KCNT1: variants seen among roughly 807,000 people sequenced by gnomAD.
KCNT1 encodes the protein potassium channel subfamily T member 1.
A neutral mutation model predicts 147.8 loss-of-function variants in KCNT1; 78 were observed. The observed-to-expected ratio is 0.53, with a 90% CI of 0.44 to 0.64. KCNT1 has a LOEUF of 0.64. Ranked by LOEUF, KCNT1 falls within the 30% of genes least tolerant of loss-of-function variation. KCNT1 has a pLI of 0.00. For missense variants in KCNT1, 1,419 were observed against 1,750.3 expected, an observed-to-expected ratio of 0.81 and a Z score of 3.38; for synonymous variants, 867 against 748.8, an observed-to-expected ratio of 1.16 and a Z score of -2.58.
chr9:135,764,810 C>T lies in KCNT1; in HGVS notation c.1036-221C>T, dbSNP rs567759890. 1.2e-4 allele frequency among the ~76,000 whole-genome samples: 18 copies of T among 152,306 alleles called. No individual in the cohort carries two copies. In the South Asian group the frequency reaches 3.7e-3, roughly 32 times the overall value. ...GCCGCCCCTCCTCCCTTGGTCCCCA[C>T]ACATCCTGCCAGCCGGGCCTGCGTC... On this transcript the variant is annotated intron_variant, in intron 11 of 30. Coordinates refer to ENST00000371757, the MANE Select transcript of KCNT1 (RefSeq NM_020822.3).
intron 3 of KCNT1, chr9:135,750,728 G>A (rs1007869521): frequency 6.7e-6 from 4 of 594,536 alleles, no homozygotes; most frequent in African/African-American, 5.6e-5. Context: ...TCAGGCACCT[G>A]TAAGGTGGGG....
At chr9:135,765,582 A>G (rs776732307) in intron 12 of KCNT1, 42 bp from the exon 13 acceptor site, 2 of 1,581,436 alleles carry the variant, frequency 1.3e-6, no homozygotes, top group East Asian at 2.3e-5. Context: ...CGGGCGGGGC[A>G]GGGGCTGGCT....
chr9:135,747,017 G>T (rs1363620965), intron 2 of KCNT1, among the ~76,000 whole-genome samples: 1 of 151,998 alleles, frequency 6.6e-6, no homozygotes, highest in Admixed American at 6.6e-5. Flanking sequence ...GATGCCAGAG[G>T]GTAGAGTGGG....
chr9:135,731,989 T>C (rs199646170), intron 2 of KCNT1, among the ~76,000 whole-genome samples: 1 of 18,646 alleles, frequency 5.4e-5, no homozygotes, highest in African/African-American at 2.0e-4. Flanking sequence ...TATATATATA[T>C]ATAGAGAGAG....
Position 135,777,519 on chromosome 9 carries a change from C to G in KCNT1, c.2522+9C>G. 1 of 1,611,414 alleles carries G rather than the reference C, an allele frequency of 6.2e-7. No individual in the cohort carries two copies. Among genetic ancestry groups the G allele is most frequent in the Non-Finnish European group, 8.5e-7 (1 of 1,179,234 alleles). On this transcript the variant is annotated intron_variant, in intron 21 of 30. Transcript: ENST00000371757. Reference sequence around the variant, plus strand: ...CTGCTGCTGGACAACAAGTGAGGCTCCTGGGGCTCAGCCCACCCCGCCCAC... The same window carrying G: ...CTGCTGCTGGACAACAAGTGAGGCTGCTGGGGCTCAGCCCACCCCGCCCAC...
rs1834737127 is a variant in KCNT1 at position 135,795,207 on chromosome 9, G to A, written c.*3046G>A. ...CCAGCACTTTGGGAGGCCAAGGCAGGTGGACTGCTTGAGCCCAGGAGTTGA... is the reference window on the plus strand; with the variant it reads ...CCAGCACTTTGGGAGGCCAAGGCAGATGGACTGCTTGAGCCCAGGAGTTGA... On this transcript the variant is annotated 3_prime_UTR_variant, in exon 31 of 31. Coordinates refer to ENST00000371757, the MANE Select transcript of KCNT1 (RefSeq NM_020822.3). 1.3e-5 allele frequency: 2 copies of A among 152,202 alleles called. No homozygotes were observed. Among genetic ancestry groups the A allele is most frequent in the African/African-American group, 2.4e-5 (1 of 41,502 alleles). The allele number at this position is 152,202 out of a possible 1,614,324, so 9.4% of individuals were successfully genotyped here.
chr9:135,772,704 C>T lies in KCNT1; in HGVS notation c.2009-11C>T, dbSNP rs763793913. ...AGTCGGGCTGTGGCCAAGCACAGGG[C>T]TCTCTTCCAGGGACAGTGGCCATGG... On this transcript the variant is annotated splice_polypyrimidine_tract_variant and intron_variant, in intron 18 of 30. Coordinates refer to ENST00000371757, the MANE Select transcript of KCNT1 (RefSeq NM_020822.3). 3 of 1,369,710 alleles carry T rather than the reference C, an allele frequency of 2.2e-6. No individual in the cohort carries two copies. The highest frequency in any genetic ancestry group is 2.8e-6 in the Non-Finnish European group (3 of 1,056,466). The allele number at this position is 1,369,710 out of a possible 1,614,324, so 84.8% of individuals were successfully genotyped here. A position where few individuals can be genotyped will look rare whatever the true frequency, so the allele number is the denominator to read the frequency against.
intron 2 of KCNT1, among the ~76,000 whole-genome samples, chr9:135,732,721 C>T (rs539813703): frequency 1.3e-5 from 2 of 151,822 alleles, no homozygotes; most frequent in Admixed American, 6.6e-5. Flanking sequence ...TATTGTTGGC[C>T]GGGTTCTTTG....
intron 29 of KCNT1, 69 bp from the exon 30 acceptor site, chr9:135,791,728 C>T: frequency 7.3e-7 from 1 of 1,366,122 alleles, no homozygotes; most frequent in Non-Finnish European, 1.0e-6. Context: ...CCCCACACCT[C>T]TGGGCCCCTG....
At chr9:135,785,409 CCCCACCCA>C (rs761239589) in intron 28 of KCNT1, 79 bp downstream of exon 28, 82 of 1,437,314 alleles carry the variant, frequency 5.7e-5, no homozygotes, top group African/African-American at 1.9e-4. Flanking sequence ...GCCTGCCAGG[CCCCACCCA>C]CCCACCCACC....
chr9:135,731,968 A>ATATATATATATATG (rs1836461120), intron 2 of KCNT1, among the ~76,000 whole-genome samples: 1 of 23,140 alleles, frequency 4.3e-5, no homozygotes, highest in Non-Finnish European at 8.6e-5. Flanking sequence ...GTGTATATAT[A>ATATATATATATATG]TATATATATA....
chr9:135,783,597 G>GA (rs1486174881), intron 24 of KCNT1, among the ~76,000 whole-genome samples: 1 of 152,236 alleles, frequency 6.6e-6, no homozygotes. Context: ...GGACAGCAGG[G>GA]AGCCCGATGC....
intron 2 of KCNT1, among the ~76,000 whole-genome samples, chr9:135,744,373 C>A (rs892723040): frequency 6.6e-6 from 1 of 152,234 alleles, no homozygotes; most frequent in African/African-American, 2.4e-5. Flanking sequence ...AGCACAAGGG[C>A]CTCCTCAGGC....
At position 135,765,673 on chromosome 9, in the gene KCNT1, G is replaced by T. The variant is rs745965148; in HGVS notation, c.1250G>T (p.Arg417Leu). 2.5e-6 allele frequency: 4 copies of T among 1,610,324 alleles called. No homozygotes were observed. Among genetic ancestry groups the T allele is most frequent in the South Asian group, 1.1e-5 (1 of 90,396 alleles). Residue 417 changes from arginine to leucine, a missense_variant, in exon 13 of 31, where the codon CGC becomes CTC. Arg to Leu is a moderately radical substitution (Grantham distance 102). Around this residue, in one of 5 missense-constraint regions of KCNT1, gnomAD observed 401 missense variants for 610.6 expected, o/e 0.66. Coordinates refer to ENST00000371757, the MANE Select transcript of KCNT1 (RefSeq NM_020822.3). ...LCPTEMDVQV[R>L]RVLQIPLWSQ... ...CCCACGGAGATGGATGTCCAGGTGCGCAGAGTCCTGCAGATCCCTCTGTGG... is the reference window on the plus strand; with the variant it reads ...CCCACGGAGATGGATGTCCAGGTGCTCAGAGTCCTGCAGATCCCTCTGTGG...
At chr9:135,771,672 G>T (rs969117341) in intron 18 of KCNT1, among the ~76,000 whole-genome samples, 2 of 152,222 alleles carry the variant, frequency 1.3e-5, no homozygotes, top group Admixed American at 6.5e-5. Context: ...GTGCCTTCAG[G>T]GATCCTCCCG....
At position 135,714,740 on chromosome 9, in the gene KCNT1, T is replaced by C. The variant is rs2385007; in HGVS notation, c.254+20T>C. 0.23 allele frequency: 302,649 copies of C among 1,294,532 alleles called. 36,963 individuals are homozygous for C. The highest frequency in any genetic ancestry group is 0.41 in the African/African-American group (26,012 of 63,698). The allele number at this position is 1,294,532 out of a possible 1,614,324, so 80.2% of individuals were successfully genotyped here. On this transcript the variant is annotated intron_variant, in intron 2 of 30. Transcript: ENST00000371757. This position sits in a 1 kb window ranked among gnomAD's most constrained non-coding sequence, Gnocchi z 6.2. ...CGACAGGTAGGGACCGGGCGCGGGG[T>C]GGGGGCTGGGGTCGCCGTCCCGGCG...
chr9:135,736,065 G>A (rs1046881241), intron 2 of KCNT1, among the ~76,000 whole-genome samples: 28 of 152,358 alleles, frequency 1.8e-4, no homozygotes, highest in African/African-American at 5.3e-4. Context: ...GCACCATCCC[G>A]GAGTGCCCCC....
chr9:135,773,019 G>A (rs568432153), intron 19 of KCNT1, 70 bp downstream of exon 19: 60 of 1,105,750 alleles, frequency 5.4e-5, no homozygotes, highest in South Asian at 9.2e-5. Flanking sequence ...GATGGGTGTC[G>A]GAGCATCCTT....
intron 19 of KCNT1, among the ~76,000 whole-genome samples, chr9:135,774,437 T>C (rs1832999525): frequency 9.2e-6 from 1 of 108,416 alleles, no homozygotes; most frequent in African/African-American, 4.1e-5. Context: ...TTGTGTGGTG[T>C]GTCTGTGGTG....
Sources: gnomAD v4.1 joint callset for allele counts (sites outside exome capture counted in the v4.1 genomes callset) on GRCh38, gnomAD v4.1.1 for gene constraint, gnomAD v4.1.1 regional missense constraint, Gnocchi (gnomAD v3.1) non-coding constraint, MANE v1.5 for transcripts, NCBI Gene and HGNC (gene_info 2026-07-23, HGNC 2026-07-21) for gene names.